Variants in DOC2B observed in about 807,000 individuals in gnomAD.
The protein encoded by DOC2B is double C2 domain beta.
DOC2B carries 21 observed loss-of-function variants against 28.9 expected under a neutral mutation model. The ratio of observed to expected loss-of-function variants is 0.73; its 90% CI spans 0.52 to 1.05. DOC2B has a LOEUF of 1.05. DOC2B is among the 50% of genes least tolerant of loss of function. The pLI is 0.00. For synonymous variants in DOC2B, 194 were observed against 178.1 expected (o/e 1.09, Z -0.71); for missense variants, 384 against 421.1 (o/e 0.91, Z 0.77).
intron 6 of DOC2B, 175 bp downstream of exon 6, chr17:156,045 T>A: frequency 1.5e-6 from 1 of 649,056 alleles, no homozygotes; most frequent in Non-Finnish European, 2.5e-6. Flanking sequence ...ATCTGTGAAA[T>A]GGGCTGGCCA....
intron 5 of DOC2B, among the ~76,000 whole-genome samples, chr17:159,352 G>A (rs912108721): frequency 1.1e-4 from 16 of 151,988 alleles, no homozygotes; most frequent in Admixed American, 6.6e-4. Flanking sequence ...TTAGCCAGGC[G>A]TGGTGGCGCA....
chr17:161,365 C>T, intron 5 of DOC2B, 50 bp downstream of exon 5: 1 of 1,537,444 alleles, frequency 6.5e-7, no homozygotes, highest in Non-Finnish European at 8.8e-7. Context: ...GCCTTCCCAG[C>T]ACCTGCCACC....
intron 6 of DOC2B, among the ~76,000 whole-genome samples, chr17:149,797 C>T (rs1162612084): frequency 6.6e-6 from 1 of 152,208 alleles, no homozygotes; most frequent in African/African-American, 2.4e-5. Flanking sequence ...TGAGCCACCA[C>T]CCCCGGCCTC....
intron 1 of DOC2B, among the ~76,000 whole-genome samples, chr17:176,642 C>T (rs928174551): frequency 1.3e-5 from 2 of 152,342 alleles, no homozygotes; most frequent in South Asian, 4.1e-4. Flanking sequence ...GGCTCAGCCG[C>T]TGCCCTGGAG....
chr17:166,502 A>C (rs572166500), intron 2 of DOC2B, among the ~76,000 whole-genome samples: 1 of 152,294 alleles, frequency 6.6e-6, no homozygotes, highest in East Asian at 1.9e-4. Flanking sequence ...CGGTGTCCCC[A>C]CCCAAGTCTC....
chr17:158,569 G>T (rs1370111986), intron 5 of DOC2B, among the ~76,000 whole-genome samples: 1 of 152,174 alleles, frequency 6.6e-6, no homozygotes, highest in Non-Finnish European at 1.5e-5. Context: ...CCTAGCATTT[G>T]CCCTAGGCTC....
At chr17:161,575 G>A (rs1401871288) in intron 4 of DOC2B, 34 bp from the exon 5 acceptor site, 1 of 1,550,898 alleles carries the variant, frequency 6.4e-7, no homozygotes, top group African/African-American at 1.4e-5. Flanking sequence ...CACAGCCAGT[G>A]CCTCAGACGC....
chr17:157,661 C>G (rs559284812), intron 5 of DOC2B, among the ~76,000 whole-genome samples: 2 of 152,176 alleles, frequency 1.3e-5, no homozygotes, highest in Admixed American at 6.5e-5. Context: ...CCAGGCTGGT[C>G]TCGAATTCCT....
intron 6 of DOC2B, 21 bp downstream of exon 6, chr17:156,199 T>C: frequency 6.5e-7 from 1 of 1,531,634 alleles, no homozygotes; most frequent in Non-Finnish European, 8.8e-7. Flanking sequence ...TGGCAGGTGG[T>C]CACGCGCACG....
chr17:172,812 C>T (rs897056634), intron 1 of DOC2B, among the ~76,000 whole-genome samples, 196 bp from the exon 2 acceptor site: 1 of 152,212 alleles, frequency 6.6e-6, no homozygotes, highest in Non-Finnish European at 1.5e-5. Flanking sequence ...TCACAATAAT[C>T]TCCCCACTTT....
rs971786348 is a variant in DOC2B at position 147,554 on chromosome 17, C to T, written c.1126G>A (p.Ala376Thr). The T allele has an allele frequency of 9.5e-5, 38 of 398,846 alleles. No individual in the cohort carries two copies. The highest frequency in any genetic ancestry group is 7.2e-4 in the African/African-American group (35 of 48,762). 24.7% of individuals were successfully genotyped at this position (398,846 alleles called of 1,614,324 possible). A position where few individuals can be genotyped will look rare whatever the true frequency, so the allele number is the denominator to read the frequency against. Reference sequence around the variant, plus strand: ...CAGTGCTTCAGGCGCTCCCCCTTGGCGTGGATGCCCAGAACCACACCACCT... The same window carrying T: ...CAGTGCTTCAGGCGCTCCCCCTTGGTGTGGATGCCCAGAACCACACCACCT... ...FIGGVVLGIH[A>T]KGERLKHWFD... Residue 376 changes from alanine (A) to threonine (T), a missense_variant, in exon 9 of 9, where the codon GCC becomes ACC. By Grantham distance (58) the Ala-to-Thr change is moderately conservative. Coordinates refer to ENST00000613549, the MANE Select transcript of DOC2B (RefSeq NM_003585.5).
In DOC2B at chr17:181,182, G is replaced by A. The variant is rs1308736908; in HGVS notation, c.298C>T (p.Pro100Ser). Residue 100 changes from proline to serine, a missense_variant, in exon 1 of 9, where the codon CCC becomes TCC. Pro to Ser is a moderately conservative substitution (Grantham distance 74, BLOSUM62 -1). Transcript: ENST00000613549. The surrounding 1 kb of genome is among the most constrained non-coding windows in gnomAD (Gnocchi z 7.0). ...YGSSPGPSPGPSPARPPAKPP... is the reference protein window; with the variant it reads ...YGSSPGPSPGSSPARPPAKPP... The stretch of plus-strand genomic sequence containing the variant: ...TTGGCTGGCGGCCGCGCGGGGCTGG[G>A]ACCCGGGCTGGGGCCCGGGCTGGAG... The A allele has an allele frequency of 8.0e-7, 1 of 1,245,846 alleles. No homozygotes were observed. The highest frequency in any genetic ancestry group is 1.0e-6 in the Non-Finnish European group (1 of 995,652). 77.2% of individuals were successfully genotyped at this position (1,245,846 alleles called of 1,614,324 possible). A position where few individuals can be genotyped will look rare whatever the true frequency, so the allele number is the denominator to read the frequency against.
At chr17:157,222 C>G (rs1328031963) in intron 5 of DOC2B, among the ~76,000 whole-genome samples, 1 of 152,244 alleles carries the variant, frequency 6.6e-6, no homozygotes, top group Middle Eastern at 3.2e-3. Flanking sequence ...CGGGTCCCAC[C>G]TCCACACCTT....
At chr17:159,682 C>T (rs2040176897) in intron 5 of DOC2B, among the ~76,000 whole-genome samples, 1 of 152,050 alleles carries the variant, frequency 6.6e-6, no homozygotes, top group South Asian at 2.1e-4. Context: ...GGGGTGCATC[C>T]CCAGCTGCAC....
intron 7 of DOC2B, among the ~76,000 whole-genome samples, chr17:148,892 C>T (rs1383179825): frequency 6.6e-6 from 1 of 151,908 alleles, no homozygotes; most frequent in Non-Finnish European, 1.5e-5. Flanking sequence ...CGAGGACTCC[C>T]CTCAACACTT....
chr17:157,363 G>A (rs183307862), intron 5 of DOC2B, among the ~76,000 whole-genome samples: 132 of 152,256 alleles, frequency 8.7e-4, no homozygotes, highest in African/African-American at 2.8e-3. Context: ...TCCCCTCTGC[G>A]CGCCCACTGC....
At chr17:170,813 G>A (rs2040304341) in intron 2 of DOC2B, among the ~76,000 whole-genome samples, 1 of 119,580 alleles carries the variant, frequency 8.4e-6, no homozygotes, top group Non-Finnish European at 1.9e-5. Context: ...GGCTGCAGAG[G>A]GCAGCACCAG....
intron 4 of DOC2B, 43 bp downstream of exon 4, chr17:162,038 T>A: frequency 7.4e-7 from 1 of 1,357,750 alleles, no homozygotes; most frequent in East Asian, 2.5e-5. Flanking sequence ...CGGGTGGGAG[T>A]AGGGGTTGGG....
At position 170,635 on chromosome 17, in the gene DOC2B, C is replaced by T. The variant is rs372957423; in HGVS notation, c.453+1902G>A. ...ACTGGCCATGCAGGCCCTTACCTTG[C>T]GAGAGAACATCAATTTTGGCACCTT... On this transcript the variant is annotated intron_variant, in intron 2 of 8. Transcript: ENST00000613549. 2.4e-4 allele frequency among the ~76,000 whole-genome samples: 37 copies of T among 152,282 alleles called. No homozygotes were observed. In the East Asian group the frequency reaches 2.5e-3, roughly 10 times the overall value.
Sources: gnomAD v4.1 joint callset for allele counts (sites outside exome capture counted in the v4.1 genomes callset) on GRCh38, gnomAD v4.1.1 for gene constraint, Gnocchi (gnomAD v3.1) non-coding constraint, MANE v1.5 for transcripts, NCBI Gene and HGNC (gene_info 2026-07-23, HGNC 2026-07-21) for gene names.